Variants in NEIL2 observed in about 807,000 individuals in gnomAD.
NEIL2 encodes nei like DNA glycosylase 2.
Under a neutral mutation model 22.2 loss-of-function variants are expected in NEIL2, and 23 were observed. The ratio of observed to expected loss-of-function variants is 1.04; its 90% CI spans 0.75 to 1.47. The LOEUF is 1.47. Ranked by LOEUF, NEIL2 falls within the 40% of genes most tolerant of loss-of-function variation. NEIL2 has a pLI of 0.00. For missense variants in NEIL2, 583 were observed against 404.7 expected (o/e 1.44, Z -3.78); for synonymous variants, 229 against 164.8 (o/e 1.39, Z -2.99).
chr8:11,783,019 C>T, intron 3 of NEIL2, 184 bp from the exon 4 acceptor site: 1 of 669,640 alleles, frequency 1.5e-6, no homozygotes, highest in Non-Finnish European at 2.8e-6. Context: ...ACAGAGTGTG[C>T]TCTGACTATA....
chr8:11,786,369 G>A lies in NEIL2; in HGVS notation c.*96G>A. On this transcript the variant is annotated 3_prime_UTR_variant, in exon 5 of 5. Coordinates refer to ENST00000284503, the MANE Select transcript of NEIL2 (RefSeq NM_145043.4). ...ATGTGGGCAGGGACGGGGTACAGAG[G>A]ATAGTGTGGGTCAGAGGTGCCAGTA... is the stretch of plus-strand genomic sequence containing the variant. 8.1e-7 allele frequency: 1 copy of A among 1,229,160 alleles called. No individual in the cohort carries two copies. The allele number at this position is 1,229,160 out of a possible 1,614,324, so 76.1% of individuals were successfully genotyped here.
chr8:11,775,520 T>G (rs1008369169), intron 2 of NEIL2, among the ~76,000 whole-genome samples: 2 of 152,190 alleles, frequency 1.3e-5, no homozygotes, highest in African/African-American at 2.4e-5. Context: ...ACATTTTCCT[T>G]ATTGGCTTGG....
intron 4 of NEIL2, 111 bp downstream of exon 4, chr8:11,783,510 T>G (rs559805238): frequency 8.1e-6 from 7 of 859,684 alleles, no homozygotes; most frequent in South Asian, 6.7e-5. Context: ...GCTGTTGGTT[T>G]TGAGGTGCCA....
At chr8:11,777,367 A>C (rs1252334503) in intron 2 of NEIL2, among the ~76,000 whole-genome samples, 2 of 151,932 alleles carry the variant, frequency 1.3e-5, no homozygotes, top group African/African-American at 2.4e-5. Context: ...CCGCCTTTTA[A>C]AAATTTTTAA....
intron 2 of NEIL2, among the ~76,000 whole-genome samples, chr8:11,778,428 AAGATTAAT>A (rs1210372632): frequency 6.6e-6 from 1 of 152,084 alleles, no homozygotes; most frequent in South Asian, 2.1e-4. Context: ...GGAGGACTTC[AAGATTAAT>A]TTGTGTACTA....
chr8:11,779,757 G>A lies in NEIL2; in HGVS notation c.298G>A (p.Gly100Arg), dbSNP rs961676307. Residue 100 changes from glycine to arginine, a missense_variant, in exon 3 of 5, where the codon GGA (glycine) becomes AGA (arginine). Transcript: ENST00000284503. ...GEPSGQKTLD[G>R]SSRSAELVPQ... ...GCCCAGCGGGCAGAAGACCCTTGAT[G>A]GATCCTCACGGTCTGCAGAGCTCGT... 31 of 1,614,118 alleles carry A rather than the reference G, an allele frequency of 1.9e-5. No homozygotes were observed. The highest frequency in any genetic ancestry group is 2.6e-5 in the Non-Finnish European group (31 of 1,180,048).
intron 3 of NEIL2, chr8:11,782,729 ATGTG>A: frequency 4.4e-6 from 1 of 229,148 alleles, no homozygotes; most frequent in East Asian, 9.4e-5. Flanking sequence ...GGATGTCTGT[ATGTG>A]TGTATGATCC....
chr8:11,786,368 G>A lies in NEIL2; in HGVS notation c.*95G>A. 1 of 1,226,486 alleles carries A rather than the reference G, an allele frequency of 8.2e-7. No homozygotes were observed. Among genetic ancestry groups the A allele is most frequent in the South Asian group, 1.3e-5 (1 of 77,680 alleles). The allele number at this position is 1,226,486 out of a possible 1,614,324, so 76.0% of individuals were successfully genotyped here. A position where few individuals can be genotyped will look rare whatever the true frequency, so the allele number is the denominator to read the frequency against. ...GATGTGGGCAGGGACGGGGTACAGA[G>A]GATAGTGTGGGTCAGAGGTGCCAGT... On this transcript the variant is annotated 3_prime_UTR_variant, in exon 5 of 5. Coordinates refer to ENST00000284503, the MANE Select transcript of NEIL2 (RefSeq NM_145043.4).
At chr8:11,780,923 GT>G (rs762848733) in intron 3 of NEIL2, among the ~76,000 whole-genome samples, 15 of 152,296 alleles carry the variant, frequency 9.8e-5, no homozygotes, top group Admixed American at 6.5e-4. Flanking sequence ...CAGAAAGTCT[GT>G]TTGTTTTTGT....
At chr8:11,777,809 C>G (rs1434123025) in intron 2 of NEIL2, among the ~76,000 whole-genome samples, 1 of 152,226 alleles carries the variant, frequency 6.6e-6, no homozygotes, top group African/African-American at 2.4e-5. Context: ...AGTTCTGGAG[C>G]CTGGAAAGTC....
chr8:11,786,164 T>A lies in NEIL2; in HGVS notation c.890T>A (p.Val297Asp). The change falls in exon 5 of 5, where the codon GTC becomes GAC. Residue 297 changes from valine to aspartate, a missense_variant. By Grantham distance (152) the Val-to-Asp change is radical. Transcript: ENST00000284503. ...QKEQCPAGHQ[V>D]MKEAFGPEDG... ...GAACAGTGCCCTGCTGGCCACCAGG[T>A]CATGAAGGAGGCGTTTGGGCCCGAA... The A allele has an allele frequency of 6.2e-7, 1 of 1,613,866 alleles. No homozygotes were observed. The highest frequency in any genetic ancestry group is 8.5e-7 in the Non-Finnish European group (1 of 1,179,974).
intron 2 of NEIL2, among the ~76,000 whole-genome samples, chr8:11,772,202 C>CA (rs397781360): frequency 0.17 from 26,402 of 151,524 alleles, 3,245 homozygotes; most frequent in African/African-American, 0.35. Flanking sequence ...GACTCCGTCT[C>CA]AAAAAAAAGA....
rs987423802 is a variant in NEIL2 at position 11,783,218 on chromosome 8, T to C, written c.507T>C (p.Phe169=). 2 of 1,614,194 alleles carry C rather than the reference T, an allele frequency of 1.2e-6. No homozygotes were observed. The highest frequency in any genetic ancestry group is 1.7e-6 in the Non-Finnish European group (2 of 1,179,982). ...RDPSPRLVLH[F]GGGGFLAFYN... ...TTCTTCCCAGGTTGGTCCTGCACTTTGGTGGTGGTGGCTTCCTGGCATTTT... is the reference window on the plus strand; with the variant it reads ...TTCTTCCCAGGTTGGTCCTGCACTTCGGTGGTGGTGGCTTCCTGGCATTTT... The change falls in exon 4 of 5, where the codon TTT becomes TTC. Residue 169 remains phenylalanine (F), a synonymous_variant. Coordinates refer to ENST00000284503, the MANE Select transcript of NEIL2 (RefSeq NM_145043.4).
chr8:11,783,034 G>A, intron 3 of NEIL2, 169 bp from the exon 4 acceptor site: 1 of 686,534 alleles, frequency 1.5e-6, no homozygotes, highest in East Asian at 2.7e-5. Context: ...ACTATACTGT[G>A]GTAACGATGT....
chr8:11,779,858 C>T lies in NEIL2; in HGVS notation c.399C>T (p.Val133=). 1 of 1,614,192 alleles carries T rather than the reference C, an allele frequency of 6.2e-7. No individual in the cohort carries two copies. Among genetic ancestry groups the T allele is most frequent in the Non-Finnish European group, 8.5e-7 (1 of 1,180,026 alleles). Residue 133 remains valine, a synonymous_variant, in exon 3 of 5, where the codon GTC becomes GTT. Transcript: ENST00000284503. The stretch of plus-strand genomic sequence containing the variant: ...GAGATGCTGGGAGGTGGCTGCGTGT[C>T]AGCTTTGGTTTGTTTGGCAGCGTTT... The part of the protein sequence containing the change: ...PAGDAGRWLR[V]SFGLFGSVWV...
In NEIL2 at chr8:11,786,193, G is replaced by A. The variant is rs776356628; in HGVS notation, c.919G>A (p.Gly307Arg). 1.2e-6 allele frequency: 2 copies of A among 1,613,562 alleles called. No individual in the cohort carries two copies. The highest frequency in any genetic ancestry group is 2.7e-5 in the African/African-American group (2 of 74,918). Reference protein sequence around the residue: ...VMKEAFGPEDGLQRLTWWCPQ... With the variant: ...VMKEAFGPEDRLQRLTWWCPQ... ...GAAGGAGGCGTTTGGGCCCGAAGAT[G>A]GGTTACAGAGGCTCACCTGGTGGTG... Residue 307 changes from glycine (G) to arginine (R), a missense_variant, in exon 5 of 5, where the codon GGG (glycine) becomes AGG (arginine). Coordinates refer to ENST00000284503, the MANE Select transcript of NEIL2 (RefSeq NM_145043.4).
At position 11,769,946 on chromosome 8, in the gene NEIL2, C is replaced by G. The variant is rs917144573; in HGVS notation, c.-392C>G. The G allele has an allele frequency of 2.0e-5, 3 of 152,330 alleles. No homozygotes were observed. The highest frequency in any genetic ancestry group is 4.4e-5 in the Non-Finnish European group (3 of 68,180). 9.4% of individuals were successfully genotyped at this position (152,330 alleles called of 1,614,324 possible). On this transcript the variant is annotated 5_prime_UTR_variant, in exon 1 of 5. Coordinates refer to ENST00000284503, the MANE Select transcript of NEIL2 (RefSeq NM_145043.4). ...AGGCCCCCACTGACCCTCAGACCCG[C>G]GTCTGCGCCCCTCTCCCCGCACCCC... is the stretch of plus-strand genomic sequence containing the variant.
chr8:11,780,545 A>G (rs1344073056), intron 3 of NEIL2, among the ~76,000 whole-genome samples: 1 of 152,092 alleles, frequency 6.6e-6, no homozygotes, highest in Non-Finnish European at 1.5e-5. Flanking sequence ...ACACCGGCTA[A>G]CTTTTGTATT....
At chr8:11,771,665 G>GGAA in intron 2 of NEIL2, 80 bp downstream of exon 2, 1 of 1,469,444 alleles carries the variant, frequency 6.8e-7, no homozygotes, top group Non-Finnish European at 9.2e-7. Flanking sequence ...TATGTCTCAG[G>GGAA]GTGTCACTTC....
Sources: gnomAD v4.1 joint callset for allele counts (sites outside exome capture counted in the v4.1 genomes callset) on GRCh38, gnomAD v4.1.1 for gene constraint, MANE v1.5 for transcripts, NCBI Gene and HGNC (gene_info 2026-07-23, HGNC 2026-07-21) for gene names.